Variants in PBRM1 observed in about 807,000 individuals in gnomAD.
PBRM1 encodes polybromo 1.
In PBRM1, 27 loss-of-function variants were observed where a neutral mutation model predicts 194.5. That is an observed-to-expected ratio of 0.14 (90% CI 0.10 to 0.19). PBRM1 has a LOEUF of 0.19. Among genes scored for constraint, PBRM1 ranks in the 10% least tolerant of loss-of-function variants. The probability of loss-of-function intolerance (pLI) is 1.00; values close to 1 mark genes in which losing one functional copy is unlikely to be tolerated. For synonymous variants in PBRM1, 655 were observed against 693.2 expected, an observed-to-expected ratio of 0.94 and a Z score of 0.87; for missense variants, 1,466 against 2,077.2, an observed-to-expected ratio of 0.71 and a Z score of 5.72.
intron 13 of PBRM1, among the ~76,000 whole-genome samples, chr3:52,627,066 A>G (rs1177159729): frequency 6.6e-6 from 1 of 152,204 alleles, no homozygotes; most frequent in Admixed American, 6.5e-5. Context: ...TGTAGTAGTC[A>G]TTTTCATCTG....
intron 13 of PBRM1, among the ~76,000 whole-genome samples, chr3:52,618,435 C>A (rs1224901818): frequency 6.6e-6 from 1 of 152,084 alleles, no homozygotes; most frequent in Admixed American, 6.5e-5. Context: ...TTATTAGAAG[C>A]AATGATCTTC....
At chr3:52,625,290 G>A (rs2095411309) in intron 13 of PBRM1, among the ~76,000 whole-genome samples, 1 of 152,168 alleles carries the variant, frequency 6.6e-6, no homozygotes, top group Admixed American at 6.5e-5. Context: ...CTGTCTGCCT[G>A]ACTTCTGAAG....
At chr3:52,649,295 C>T (rs989408657) in intron 6 of PBRM1, among the ~76,000 whole-genome samples, 7 of 152,172 alleles carry the variant, frequency 4.6e-5, no homozygotes, top group Non-Finnish European at 1.0e-4. Context: ...GGCAAATGGT[C>T]ACTTTGCCAG....
At chr3:52,582,338 A>T (rs1384751122) in intron 20 of PBRM1, among the ~76,000 whole-genome samples, 1 of 151,934 alleles carries the variant, frequency 6.6e-6, no homozygotes, top group African/African-American at 2.4e-5. Flanking sequence ...TCATATACAG[A>T]GAGTTCCTAG....
intron 2 of PBRM1, among the ~76,000 whole-genome samples, chr3:52,677,443 A>C (rs1218958601): frequency 4.1e-5 from 4 of 98,322 alleles, no homozygotes; most frequent in Non-Finnish European, 5.7e-5. Context: ...ATGGAGTTTC[A>C]CTCTTGTCAC....
intron 2 of PBRM1, among the ~76,000 whole-genome samples, chr3:52,673,082 G>A (rs1457034484): frequency 6.6e-6 from 1 of 151,182 alleles, no homozygotes; most frequent in Non-Finnish European, 1.5e-5. Context: ...CCGCCTCCCG[G>A]GTTCAAGCAA....
chr3:52,550,995 TC>T (rs1219599982), intron 27 of PBRM1, among the ~76,000 whole-genome samples, 178 bp from the exon 30 acceptor site: 1 of 152,260 alleles, frequency 6.6e-6, no homozygotes, highest in Non-Finnish European at 1.5e-5. Context: ...TTGTTTTGTT[TC>T]TAGGTACTTA....
At chr3:52,548,611 G>C (rs141161690) in intron 29 of PBRM1, among the ~76,000 whole-genome samples, 180 of 152,144 alleles carry the variant, frequency 1.2e-3, no homozygotes, top group African/African-American at 4.1e-3. Flanking sequence ...ATTTTTAGTA[G>C]AGACAGGTTT....
chr3:52,667,353 T>C (rs1342539367), intron 3 of PBRM1, among the ~76,000 whole-genome samples: 2 of 151,980 alleles, frequency 1.3e-5, no homozygotes, highest in Non-Finnish European at 2.9e-5. Context: ...GGTGAAAAGA[T>C]ATGCACACAG....
At chr3:52,677,408 CTT>C (rs71087007) in intron 2 of PBRM1, among the ~76,000 whole-genome samples, 4 of 110,810 alleles carry the variant, frequency 3.6e-5, no homozygotes, top group Admixed American at 8.7e-5. Flanking sequence ...CCATGCTCGG[CTT>C]TTTTTTTTTT....
intron 27 of PBRM1, among the ~76,000 whole-genome samples, chr3:52,553,609 C>T (rs2081502181): frequency 6.6e-6 from 1 of 151,396 alleles, no homozygotes; most frequent in African/African-American, 2.4e-5. Flanking sequence ...CCCACCTCAG[C>T]CTCCTGAGTA....
chr3:52,662,516 C>A (rs563803239), intron 3 of PBRM1, among the ~76,000 whole-genome samples: 2 of 152,034 alleles, frequency 1.3e-5, no homozygotes, highest in Non-Finnish European at 2.9e-5. Flanking sequence ...AGGCAGAAGA[C>A]AAATGATTTG....
chr3:52,571,647 A>G (rs1031797982), intron 22 of PBRM1, among the ~76,000 whole-genome samples: 16 of 150,262 alleles, frequency 1.1e-4, no homozygotes, highest in Non-Finnish European at 4.4e-5. Context: ...AAAAAAAAAA[A>G]AAAAAGATTT....
chr3:52,567,565 CAA>C (rs10644120), intron 22 of PBRM1, among the ~76,000 whole-genome samples: 4 of 91,702 alleles, frequency 4.4e-5, no homozygotes, highest in Non-Finnish European at 8.6e-5. Context: ...TAGGTAATCT[CAA>C]AAAAAAAAAA....
chr3:52,680,552 C>A (rs2097186541), upstream of PBRM1, among the ~76,000 whole-genome samples: 1 of 152,230 alleles, frequency 6.6e-6, no homozygotes, highest in Non-Finnish European at 1.5e-5. Flanking sequence ...ACTGAATGAT[C>A]TGCTACAGAT....
In PBRM1 at chr3:52,587,513, CA is replaced by C; in HGVS notation, c.2966-4del. Reference sequence around the variant, plus strand: ...ACAGCCATACAACCATTTTTCACCTCAAAAATGGGGGGTGGGGGAAGGGGAA... The same window carrying C: ...ACAGCCATACAACCATTTTTCACCTCAAAATGGGGGGTGGGGGAAGGGGAA... On this transcript the variant is annotated splice_region_variant and splice_polypyrimidine_tract_variant and intron_variant, in intron 18 of 29. Coordinates refer to ENST00000296302, the Ensembl canonical transcript of PBRM1. 1 of 1,571,972 alleles carries C rather than the reference CA, an allele frequency of 6.4e-7. No individual in the cohort carries two copies. The highest frequency in any genetic ancestry group is 8.6e-7 in the Non-Finnish European group (1 of 1,158,416).
At chr3:52,621,899 A>G (rs1291805892) in intron 13 of PBRM1, among the ~76,000 whole-genome samples, 1 of 152,102 alleles carries the variant, frequency 6.6e-6, no homozygotes, top group Non-Finnish European at 1.5e-5. Context: ...AAAAAAGCGT[A>G]GTCAGGCATG....
intron 17 of PBRM1, among the ~76,000 whole-genome samples, chr3:52,595,991 T>C (rs942473935): frequency 2.0e-5 from 3 of 152,188 alleles, no homozygotes; most frequent in Admixed American, 2.0e-4. Flanking sequence ...CTCTTTTCCA[T>C]TGGTATATTT....
At chr3:52,637,094 C>CT (rs1163814965) in intron 10 of PBRM1, among the ~76,000 whole-genome samples, 2 of 152,100 alleles carry the variant, frequency 1.3e-5, no homozygotes, top group East Asian at 3.9e-4. Flanking sequence ...TTTTCTGACT[C>CT]TAATACCTCT....
Sources: allele counts gnomAD v4.1 joint callset (sites outside exome capture counted in the v4.1 genomes callset), GRCh38; gene constraint gnomAD v4.1.1; transcripts MANE v1.5; gene names NCBI Gene and HGNC (gene_info 2026-07-23, HGNC 2026-07-21).